The following RBFOX1 variants were observed in gnomAD, a reference collection of about 807,000 sequenced individuals.
RBFOX1 encodes the protein RNA binding protein fox-1 homolog 1.
A neutral mutation model predicts 57.7 loss-of-function variants in RBFOX1; 8 were observed. The observed-to-expected ratio is 0.14, with a 90% CI of 0.08 to 0.25. The LOEUF (loss-of-function observed/expected upper bound fraction) is 0.25, where lower values mean the gene tolerates loss of function less well. RBFOX1 is among the 10% of genes least tolerant of loss of function. The pLI is 1.00. For missense variants in RBFOX1, 611 were observed against 548.5 expected (o/e 1.11, Z -1.14); for synonymous variants, 326 against 222.4 (o/e 1.47, Z -4.15).
chr16:6,551,287 G>A (rs528241498), intron 2 of RBFOX1, among the ~76,000 whole-genome samples: 52 of 152,292 alleles, frequency 3.4e-4, no homozygotes, highest in Middle Eastern at 6.8e-3. Flanking sequence ...TGCCCTCATG[G>A]TTGGAGCTTT....
Position 5,762,025 on chromosome 16 carries a change from C to T in RBFOX1, c.319-105278C>T, listed in dbSNP as rs146917323. 5.7e-4 allele frequency among the ~76,000 whole-genome samples: 87 copies of T among 152,152 alleles called. No individual in the cohort carries two copies. The Middle Eastern group carries it at 0.014, about 24-fold the overall frequency. ...GCCTCCTTGGGCAGGTGAACTTCTC[C>T]GAGCAGCAATATCATCATCTAGAAA... On this transcript the variant is annotated intron_variant, in intron 3 of 19. Transcript: ENST00000641259.
intron 1 of RBFOX1, among the ~76,000 whole-genome samples, chr16:5,282,306 G>A (rs949841159): frequency 5.3e-5 from 8 of 152,186 alleles, no homozygotes; most frequent in African/African-American, 1.7e-4. Flanking sequence ...AGTCTTGAAT[G>A]TGTCTTTATC....
chr16:6,568,066 C>G (rs555210882), intron 2 of RBFOX1, among the ~76,000 whole-genome samples: 188 of 152,282 alleles, frequency 1.2e-3, no homozygotes, highest in African/African-American at 4.4e-3. Flanking sequence ...AAGTGGTCCA[C>G]TATTTAAGGT....
chr16:5,908,070 G>GTGTGTGTGTA (rs531475482), intron 4 of RBFOX1, among the ~76,000 whole-genome samples: 30 of 129,034 alleles, frequency 2.3e-4, no homozygotes, highest in African/African-American at 8.4e-4. Context: ...ATGTGTGTAT[G>GTGTGTGTGTA]TATATATATA....
intron 3 of RBFOX1, among the ~76,000 whole-genome samples, chr16:6,906,589 G>A (rs1011669995): frequency 1.3e-5 from 2 of 152,158 alleles, no homozygotes; most frequent in Non-Finnish European, 2.9e-5. Flanking sequence ...TACATCAGTA[G>A]TGTTTCCAGT....
chr16:6,956,436 A>C (rs1033779720), intron 3 of RBFOX1, among the ~76,000 whole-genome samples: 2 of 152,188 alleles, frequency 1.3e-5, no homozygotes, highest in South Asian at 4.1e-4. Context: ...GAATTTGTCA[A>C]GAGTAAGCTA....
At chr16:6,981,260 C>T (rs138976190) in intron 3 of RBFOX1, among the ~76,000 whole-genome samples, 149 of 151,830 alleles carry the variant, frequency 9.8e-4, no homozygotes, top group African/African-American at 3.5e-3. Context: ...TGTGATTCTC[C>T]CCTCCTCCCA....
chr16:6,611,166 G>A (rs1254446394), intron 2 of RBFOX1, among the ~76,000 whole-genome samples: 3 of 151,968 alleles, frequency 2.0e-5, no homozygotes, highest in Non-Finnish European at 2.9e-5. Flanking sequence ...TTGAGGGGGA[G>A]GGGACGAAGT....
chr16:7,431,377 C>G (rs79647170), intron 4 of RBFOX1: 3 of 150,952 alleles, frequency 2.0e-5, no homozygotes, highest in Non-Finnish European at 2.9e-5. Flanking sequence ...CAGGTCTGCA[C>G]CAACATGCGC....
At chr16:7,116,834 C>G (rs1465732173) in intron 4 of RBFOX1, among the ~76,000 whole-genome samples, 2 of 152,114 alleles carry the variant, frequency 1.3e-5, no homozygotes, top group Admixed American at 1.3e-4. Flanking sequence ...AGGACACAGA[C>G]CATCCCCTCA....
chr16:6,509,685 T>G (rs2096207404), intron 2 of RBFOX1, among the ~76,000 whole-genome samples: 1 of 152,034 alleles, frequency 6.6e-6, no homozygotes, highest in Non-Finnish European at 1.5e-5. Context: ...AGTAAAAGAG[T>G]ATAATCGGAT....
chr16:5,665,995 C>T (rs534384307), intron 3 of RBFOX1, among the ~76,000 whole-genome samples: 13 of 152,324 alleles, frequency 8.5e-5, no homozygotes, highest in African/African-American at 1.9e-4. Flanking sequence ...AGGCCCCAGC[C>T]GTCAAAACTG....
intron 3 of RBFOX1, among the ~76,000 whole-genome samples, chr16:6,918,006 G>T (rs1390150138): frequency 1.3e-5 from 2 of 152,154 alleles, no homozygotes; most frequent in Non-Finnish European, 2.9e-5. Flanking sequence ...TACATTTGTG[G>T]CCAGGTACAT....
intron 2 of RBFOX1, among the ~76,000 whole-genome samples, chr16:6,459,298 T>G (rs371517194): frequency 6.6e-6 from 1 of 152,178 alleles, no homozygotes; most frequent in Non-Finnish European, 1.5e-5. Context: ...ATGGCGCCAC[T>G]GCACTCCAGC....
chr16:6,428,595 T>C (rs528033108), intron 2 of RBFOX1, among the ~76,000 whole-genome samples: 2 of 152,190 alleles, frequency 1.3e-5, no homozygotes, highest in African/African-American at 2.4e-5. Context: ...TAGGAATTAA[T>C]GTATGTAAAG....
chr16:7,347,186 C>T (rs1262512749), intron 4 of RBFOX1, among the ~76,000 whole-genome samples: 1 of 152,128 alleles, frequency 6.6e-6, no homozygotes, highest in Admixed American at 6.5e-5. Context: ...TTGCTGCTAT[C>T]ATCCTACAAT....
At chr16:6,208,324 C>A (rs999929083) in intron 1 of RBFOX1, among the ~76,000 whole-genome samples, 1 of 152,064 alleles carries the variant, frequency 6.6e-6, no homozygotes, top group Admixed American at 6.6e-5. Context: ...TTGTTGAAAG[C>A]AAACACCTAT....
chr16:6,351,625 T>A (rs2086418900), intron 2 of RBFOX1, among the ~76,000 whole-genome samples: 1 of 151,922 alleles, frequency 6.6e-6, no homozygotes, highest in African/African-American at 2.4e-5. Context: ...CCGCCCGTCT[T>A]GGCCTCCCAA....
intron 2 of RBFOX1, among the ~76,000 whole-genome samples, chr16:6,387,974 A>ATTTTTTTTTTTTTTTTTTTTTTTTTT (rs61603572): frequency 1.2e-5 from 1 of 84,150 alleles, no homozygotes; most frequent in Non-Finnish European, 2.1e-5. Context: ...TTTGTGGAAC[A>ATTTTTTTTTTTTTTTTTTTTTTTTTT]TTTTTTTTTT....
Sources: allele counts gnomAD v4.1 joint callset (sites outside exome capture counted in the v4.1 genomes callset), GRCh38; gene constraint gnomAD v4.1.1; transcripts MANE v1.5; gene names NCBI Gene and HGNC (gene_info 2026-07-23, HGNC 2026-07-21).